Variants in NKAIN2 observed in about 807,000 individuals in gnomAD.
NKAIN2 encodes the protein sodium/potassium-transporting ATPase subunit beta-1-interacting protein 2.
A neutral mutation model predicts 32.6 loss-of-function variants in NKAIN2; 14 were observed. The ratio of observed to expected loss-of-function variants is 0.43; its 90% CI spans 0.28 to 0.67. The LOEUF is 0.67. NKAIN2 is among the 30% of genes least tolerant of loss of function. The pLI is 0.17. For synonymous variants in NKAIN2, 80 were observed against 87.2 expected, an observed-to-expected ratio of 0.92 and a Z score of 0.46; for missense variants, 198 against 258.3, an observed-to-expected ratio of 0.77 and a Z score of 1.60.
At chr6:124,360,005 G>C (rs56304232) in intron 3 of NKAIN2, among the ~76,000 whole-genome samples, 1 of 152,224 alleles carries the variant, frequency 6.6e-6, no homozygotes, top group Non-Finnish European at 1.5e-5. Flanking sequence ...TTTGTCAAAG[G>C]CCTTTTCTGC....
intron 1 of NKAIN2, among the ~76,000 whole-genome samples, chr6:124,079,992 A>G (rs535804498): frequency 6.6e-6 from 1 of 151,792 alleles, no homozygotes; most frequent in African/African-American, 2.4e-5. Context: ...GGTGGGTGGG[A>G]GGAAGTAGAT....
At chr6:124,351,917 G>A (rs1024688531) in intron 2 of NKAIN2, among the ~76,000 whole-genome samples, 2 of 152,024 alleles carry the variant, frequency 1.3e-5, no homozygotes, top group Admixed American at 1.3e-4. Flanking sequence ...CACCGCGCCC[G>A]ACCCTACTGC....
At position 124,712,592 on chromosome 6, in the gene NKAIN2, C is replaced by T. The variant is rs534671590; in HGVS notation, c.474+54206C>T. On this transcript the variant is annotated intron_variant, in intron 4 of 6. Transcript: ENST00000368417. ...AGTGACCCGATTTTCCAGGTGCGTC[C>T]GTCACCCCTTTCTTTGAGTCGGAAA... Among the ~76,000 whole-genome samples the T allele has an allele frequency of 1.4e-3, 205 of 145,590 alleles. 1 individual carries two copies. Among genetic ancestry groups the T allele is most frequent in the Middle Eastern group, 0.01 (3 of 292 alleles).
intron 5 of NKAIN2, among the ~76,000 whole-genome samples, chr6:124,808,516 C>CAGCCA (rs1435864094): frequency 1.3e-5 from 2 of 152,182 alleles, no homozygotes; most frequent in African/African-American, 4.8e-5. Flanking sequence ...GACAAACCCA[C>CAGCCA]AGCCAATATC....
chr6:123,894,697 C>T (rs913540693), intron 1 of NKAIN2, among the ~76,000 whole-genome samples: 2 of 151,928 alleles, frequency 1.3e-5, no homozygotes, highest in Non-Finnish European at 2.9e-5. Context: ...GATCATTAGT[C>T]ATTTATATCC....
At chr6:124,259,790 G>A (rs761724547) in intron 1 of NKAIN2, among the ~76,000 whole-genome samples, 12 of 152,102 alleles carry the variant, frequency 7.9e-5, no homozygotes, top group Middle Eastern at 3.2e-3. Flanking sequence ...ATCTACACCC[G>A]TGCTGCAGGT....
At chr6:124,216,117 CAAA>C (rs1199794463) in intron 1 of NKAIN2, among the ~76,000 whole-genome samples, 3 of 63,896 alleles carry the variant, frequency 4.7e-5, no homozygotes, top group Non-Finnish European at 1.1e-4. Flanking sequence ...AACTCTGTCT[CAAA>C]AAAAAAAAAA....
chr6:124,423,818 TG>T (rs1260912200), intron 3 of NKAIN2, among the ~76,000 whole-genome samples: 1 of 152,200 alleles, frequency 6.6e-6, no homozygotes, highest in Non-Finnish European at 1.5e-5. Flanking sequence ...TGCTAGTGCC[TG>T]GGCAGATGTC....
intron 3 of NKAIN2, among the ~76,000 whole-genome samples, chr6:124,414,940 G>A (rs188336446): frequency 9.9e-5 from 15 of 151,410 alleles, no homozygotes; most frequent in African/African-American, 3.6e-4. Context: ...CTAAGAATCA[G>A]CTTTAAAAAA....
intron 3 of NKAIN2, among the ~76,000 whole-genome samples, chr6:124,390,284 G>A (rs1773086293): frequency 6.6e-6 from 1 of 152,090 alleles, no homozygotes; most frequent in South Asian, 2.1e-4. Flanking sequence ...CACTCAGGGA[G>A]CTTGGGACAT....
intron 3 of NKAIN2, among the ~76,000 whole-genome samples, chr6:124,383,983 T>C (rs1339453042): frequency 6.6e-6 from 1 of 152,184 alleles, no homozygotes; most frequent in Non-Finnish European, 1.5e-5. Context: ...AATGCAAATA[T>C]GAGTTGATAT....
At chr6:123,919,842 A>C (rs1423075035) in intron 1 of NKAIN2, among the ~76,000 whole-genome samples, 4 of 152,138 alleles carry the variant, frequency 2.6e-5, no homozygotes, top group African/African-American at 4.8e-5. Flanking sequence ...TGATATTGAT[A>C]AAGAGCCTGG....
intron 1 of NKAIN2, among the ~76,000 whole-genome samples, chr6:123,820,320 A>G (rs939140464): frequency 6.6e-6 from 1 of 152,228 alleles, no homozygotes; most frequent in Non-Finnish European, 1.5e-5. Flanking sequence ...TAGTGTTTAT[A>G]TATAGGCAGT....
intron 5 of NKAIN2, among the ~76,000 whole-genome samples, chr6:124,802,665 C>T (rs561729887): frequency 2.6e-5 from 4 of 152,218 alleles, no homozygotes; most frequent in Admixed American, 6.5e-5. Context: ...TTCCCTTCAT[C>T]GTGGATCACC....
chr6:124,193,017 G>A (rs931889949), intron 1 of NKAIN2, among the ~76,000 whole-genome samples: 2 of 152,128 alleles, frequency 1.3e-5, no homozygotes, highest in African/African-American at 4.8e-5. Context: ...CTAAAGTGCT[G>A]GGATTACAGG....
intron 1 of NKAIN2, among the ~76,000 whole-genome samples, chr6:124,064,976 G>C (rs1045925196): frequency 1.3e-5 from 2 of 152,052 alleles, no homozygotes; most frequent in African/African-American, 4.8e-5. Flanking sequence ...TCAATGTGTA[G>C]TAGGCCCTGG....
chr6:124,211,981 T>C (rs1562425257), intron 1 of NKAIN2, among the ~76,000 whole-genome samples: 1 of 152,100 alleles, frequency 6.6e-6, no homozygotes, highest in Non-Finnish European at 1.5e-5. Flanking sequence ...CTTTCTTCTA[T>C]TGGAATATTT....
rs1778210769 is a variant in NKAIN2 at position 124,499,742 on chromosome 6, C to T, written c.273+144395C>T. Among the ~76,000 whole-genome samples, 5 of 152,186 alleles carry T rather than the reference C, an allele frequency of 3.3e-5. No individual in the cohort carries two copies. The South Asian group carries it at 1.0e-3, about 32-fold the overall frequency. ...AGCTCTGTGAGGATTTATATGGCAT[C>T]ACTTATATGGAAGGAAGAAAGGCTG... On this transcript the variant is annotated intron_variant, in intron 3 of 6. Coordinates refer to ENST00000368417, the MANE Select transcript of NKAIN2 (RefSeq NM_001040214.3).
At chr6:124,739,719 C>A (rs1777113573) in intron 4 of NKAIN2, among the ~76,000 whole-genome samples, 1 of 151,810 alleles carries the variant, frequency 6.6e-6, no homozygotes, top group Non-Finnish European at 1.5e-5. Context: ...GGGTCACAAA[C>A]GAAGATGAAG....
Sources: allele counts gnomAD v4.1 joint callset (sites outside exome capture counted in the v4.1 genomes callset), GRCh38; gene constraint gnomAD v4.1.1; transcripts MANE v1.5; gene names NCBI Gene and HGNC (gene_info 2026-07-23, HGNC 2026-07-21).